MCHR2: variants seen among roughly 807,000 people sequenced by gnomAD.
The protein encoded by MCHR2 is melanin-concentrating hormone receptor 2.
MCHR2 carries 15 observed loss-of-function variants against 24.8 expected under a neutral mutation model. The observed-to-expected ratio is 0.60, with a 90% CI of 0.40 to 0.93. The LOEUF is 0.93. MCHR2 is among the 40% of genes least tolerant of loss of function. MCHR2 has a pLI of 0.00. For missense variants in MCHR2, 386 were observed against 408.7 expected, an observed-to-expected ratio of 0.94 and a Z score of 0.48; for synonymous variants, 151 against 147.6, an observed-to-expected ratio of 1.02 and a Z score of -0.17.
At chr6:99,941,389 G>A (rs890011320) in intron 4 of MCHR2, among the ~76,000 whole-genome samples, 2 of 151,920 alleles carry the variant, frequency 1.3e-5, no homozygotes, top group African/African-American at 4.8e-5. Flanking sequence ...CTGGGAGTGG[G>A]GGCATTCAGT....
chr6:99,967,396 T>A (rs987429164), intron 1 of MCHR2, among the ~76,000 whole-genome samples: 3 of 152,172 alleles, frequency 2.0e-5, no homozygotes, highest in Non-Finnish European at 4.4e-5. Flanking sequence ...AAAAAATGTA[T>A]GGCAAAGAGG....
chr6:99,963,553 C>T (rs1298373276), intron 1 of MCHR2, among the ~76,000 whole-genome samples: 1 of 152,016 alleles, frequency 6.6e-6, no homozygotes, highest in Admixed American at 6.6e-5. Context: ...TTCAGTCATG[C>T]AAGGTGAAAA....
intron 1 of MCHR2, among the ~76,000 whole-genome samples, chr6:99,959,723 A>C (rs903743402): frequency 7.3e-5 from 11 of 150,472 alleles, no homozygotes; most frequent in Non-Finnish European, 1.5e-5. Context: ...AATTCACTAT[A>C]AAGTTTCAAC....
At chr6:99,959,297 C>T (rs563179029) in intron 1 of MCHR2, among the ~76,000 whole-genome samples, 1 of 152,090 alleles carries the variant, frequency 6.6e-6, no homozygotes, top group African/African-American at 2.4e-5. Flanking sequence ...AAGTAGGAAC[C>T]TAGACACACA....
At chr6:99,983,620 T>C (rs1775715975) in intron 1 of MCHR2, among the ~76,000 whole-genome samples, 1 of 152,220 alleles carries the variant, frequency 6.6e-6, no homozygotes, top group Non-Finnish European at 1.5e-5. Flanking sequence ...CAAGTAATAC[T>C]TCTTTGTCCT....
rs750320159 is a variant in MCHR2, at chr6:99,919,522, C to T, written c.*1418G>A. Among the ~76,000 whole-genome samples the T allele has an allele frequency of 6.6e-6, 1 of 152,076 alleles. No homozygotes were observed. The highest frequency in any genetic ancestry group is 1.5e-5 in the Non-Finnish European group (1 of 68,020). ...AAGAAGGTGGGTTTACAGACTTTATCCACAAGCAAAAATAACAATATTTGT... is the reference window on the plus strand; with the variant it reads ...AAGAAGGTGGGTTTACAGACTTTATTCACAAGCAAAAATAACAATATTTGT... On this transcript the variant is annotated 3_prime_UTR_variant, in exon 6 of 6. Coordinates refer to ENST00000281806, the MANE Select transcript of MCHR2 (RefSeq NM_001040179.2).
intron 5 of MCHR2, among the ~76,000 whole-genome samples, chr6:99,922,916 A>G (rs915093808): frequency 2.7e-5 from 4 of 149,172 alleles, no homozygotes; most frequent in African/African-American, 9.8e-5. Flanking sequence ...TTTTTTTTCT[A>G]TTTCTGTGAA....
At chr6:99,977,336 C>G (rs1775570606) in intron 1 of MCHR2, among the ~76,000 whole-genome samples, 1 of 152,160 alleles carries the variant, frequency 6.6e-6, no homozygotes, top group Admixed American at 6.5e-5. Context: ...TCTTAGGAAA[C>G]CTCCAGTTCA....
chr6:99,928,518 T>C (rs1774424755), intron 5 of MCHR2, among the ~76,000 whole-genome samples: 1 of 152,176 alleles, frequency 6.6e-6, no homozygotes, highest in Non-Finnish European at 1.5e-5. Context: ...TTTCAGATCC[T>C]GTTATTGGTC....
chr6:99,939,381 C>CA (rs1207353623), intron 4 of MCHR2, among the ~76,000 whole-genome samples: 1 of 151,782 alleles, frequency 6.6e-6, no homozygotes, highest in Non-Finnish European at 1.5e-5. Context: ...ATGATGCTGA[C>CA]AAAAAATATA....
chr6:99,967,506 C>G (rs1166018231), intron 1 of MCHR2, among the ~76,000 whole-genome samples: 2 of 152,010 alleles, frequency 1.3e-5, no homozygotes, highest in Admixed American at 1.3e-4. Context: ...AACATAAACC[C>G]TAAAATAATT....
chr6:99,968,793 C>A (rs1218488605), intron 1 of MCHR2, among the ~76,000 whole-genome samples: 1 of 151,040 alleles, frequency 6.6e-6, no homozygotes, highest in Non-Finnish European at 1.5e-5. Context: ...TTTTTTTTAC[C>A]ATAACAAAAT....
intron 1 of MCHR2, among the ~76,000 whole-genome samples, chr6:99,988,462 C>A (rs1775807102): frequency 6.6e-6 from 1 of 152,184 alleles, no homozygotes; most frequent in Admixed American, 6.5e-5. Flanking sequence ...GCCTCTTTTG[C>A]ACACTGGCCC....
At chr6:99,974,633 G>A (rs905663699) in intron 1 of MCHR2, among the ~76,000 whole-genome samples, 11 of 152,282 alleles carry the variant, frequency 7.2e-5, no homozygotes, top group Middle Eastern at 3.4e-3. Context: ...GAGGAGAGGC[G>A]CTCTGCTTTT....
At chr6:99,973,015 G>C (rs1328989906) in intron 1 of MCHR2, among the ~76,000 whole-genome samples, 1 of 151,948 alleles carries the variant, frequency 6.6e-6, no homozygotes, top group Non-Finnish European at 1.5e-5. Flanking sequence ...GTGTTGTGTG[G>C]TGCTGAAAAA....
chr6:99,955,935 G>T, intron 2 of MCHR2, 31 bp downstream of exon 2: 1 of 1,421,362 alleles, frequency 7.0e-7, no homozygotes, highest in South Asian at 1.6e-5. Context: ...AAGTATGGAA[G>T]GAAAAAAAAA....
intron 5 of MCHR2, among the ~76,000 whole-genome samples, chr6:99,926,968 A>T (rs1431107380): frequency 4.6e-5 from 7 of 152,132 alleles, no homozygotes; most frequent in Non-Finnish European, 8.8e-5. Context: ...TTATGGTTTT[A>T]GGTCTAACGT....
rs139413354 is a variant in MCHR2, at chr6:99,924,494, A to G, written c.708-3239T>C. Among the ~76,000 whole-genome samples, 135 of 152,064 alleles carry G rather than the reference A, an allele frequency of 8.9e-4. 1 individual carries two copies. Among genetic ancestry groups the G allele is most frequent in the Non-Finnish European group, 1.6e-3 (108 of 67,928 alleles). ...TTCTAGTTCTTTAAGGTACATTATT[A>G]GACTGTTTATTTGACATTTTTCATC... On this transcript the variant is annotated intron_variant, in intron 5 of 5. Coordinates refer to ENST00000281806, the MANE Select transcript of MCHR2 (RefSeq NM_001040179.2).
chr6:99,974,688 G>A (rs185733706), intron 1 of MCHR2, among the ~76,000 whole-genome samples: 1 of 152,262 alleles, frequency 6.6e-6, no homozygotes, highest in Admixed American at 6.5e-5. Flanking sequence ...CATCTTTGTG[G>A]TTTTATCTAC....
Sources: allele counts gnomAD v4.1 joint callset (sites outside exome capture counted in the v4.1 genomes callset), GRCh38; gene constraint gnomAD v4.1.1; transcripts MANE v1.5; gene names NCBI Gene and HGNC (gene_info 2026-07-23, HGNC 2026-07-21).